The following CNTN5 variants were observed in gnomAD, a reference collection of about 807,000 sequenced individuals.
CNTN5 encodes the protein contactin 5.
A neutral mutation model predicts 129.1 loss-of-function variants in CNTN5; 77 were observed. That is an observed-to-expected ratio of 0.60 (90% CI 0.50 to 0.72). The LOEUF is 0.72. Ranked by LOEUF, CNTN5 falls within the 30% of genes least tolerant of loss-of-function variation. The probability of loss-of-function intolerance (pLI) is 0.00; values close to 1 mark genes in which losing one functional copy is unlikely to be tolerated. For missense variants in CNTN5, 1,478 were observed against 1,328.8 expected (o/e 1.11, Z -1.75); for synonymous variants, 509 against 465.6 (o/e 1.09, Z -1.20).
intron 9 of CNTN5, among the ~76,000 whole-genome samples, chr11:100,002,678 T>C (rs7947224): frequency 0.38 from 57,385 of 151,960 alleles, 12,327 homozygotes; most frequent in African/African-American, 0.59. Context: ...TTATGTCACA[T>C]GCTAATGCCT....
chr11:100,273,931 AGAAGAAAG>A, intron 18 of CNTN5, among the ~76,000 whole-genome samples: 1 of 152,360 alleles, frequency 6.6e-6, no homozygotes, highest in African/African-American at 2.4e-5. Flanking sequence ...CTAAGCAAAA[AGAAGAAAG>A]CTGGAGGCAA....
At chr11:99,599,944 T>A (rs1399172606) in intron 3 of CNTN5, among the ~76,000 whole-genome samples, 1 of 152,134 alleles carries the variant, frequency 6.6e-6, no homozygotes, top group Admixed American at 6.6e-5. Flanking sequence ...AATGGGGTCA[T>A]CTACTTTAAA....
intron 9 of CNTN5, among the ~76,000 whole-genome samples, chr11:100,047,337 A>AT (rs1942735383): frequency 6.6e-6 from 1 of 152,176 alleles, no homozygotes; most frequent in Non-Finnish European, 1.5e-5. Context: ...AATAAAGACT[A>AT]TTTTTAACTC....
intron 2 of CNTN5, among the ~76,000 whole-genome samples, chr11:99,473,037 A>C (rs1010276107): frequency 1.3e-5 from 2 of 152,188 alleles, no homozygotes; most frequent in Non-Finnish European, 2.9e-5. Context: ...TGCTGCCAGA[A>C]GAAGTGATTC....
intron 2 of CNTN5, among the ~76,000 whole-genome samples, chr11:99,430,365 A>G (rs1160403944): frequency 6.6e-6 from 1 of 150,610 alleles, no homozygotes; most frequent in African/African-American, 2.4e-5. Context: ...ATATATATAT[A>G]TATGTGTGCA....
At chr11:99,971,283 G>A (rs989473235) in intron 8 of CNTN5, among the ~76,000 whole-genome samples, 2 of 152,094 alleles carry the variant, frequency 1.3e-5, no homozygotes, top group African/African-American at 2.4e-5. Flanking sequence ...GGTGGTTCAC[G>A]CCTGTAATCC....
intron 4 of CNTN5, among the ~76,000 whole-genome samples, chr11:99,841,837 C>T (rs1041794382): frequency 1.5e-3 from 181 of 117,170 alleles, no homozygotes; most frequent in African/African-American, 4.8e-3. Context: ...TATATATATA[C>T]ACACACACAC....
intron 2 of CNTN5, among the ~76,000 whole-genome samples, chr11:99,520,012 C>A (rs1368677160): frequency 6.6e-6 from 1 of 152,032 alleles, no homozygotes; most frequent in Non-Finnish European, 1.5e-5. Context: ...TTTGTGGCAA[C>A]CTTTTGTGCT....
intron 3 of CNTN5, among the ~76,000 whole-genome samples, chr11:99,682,448 G>A (rs1565422517): frequency 1.3e-5 from 2 of 151,754 alleles, no homozygotes; most frequent in Non-Finnish European, 2.9e-5. Flanking sequence ...TAGGGAAATG[G>A]GGACTATATA....
At chr11:99,035,740 T>A (rs1863687582) in intron 1 of CNTN5, among the ~76,000 whole-genome samples, 2 of 150,982 alleles carry the variant, frequency 1.3e-5, no homozygotes, top group African/African-American at 4.9e-5. Context: ...CCAGTCTGTG[T>A]CTTTTAATTG....
intron 2 of CNTN5, among the ~76,000 whole-genome samples, chr11:99,488,361 CG>C (rs34736682): frequency 0.25 from 37,271 of 151,568 alleles, 4,910 homozygotes; most frequent in Non-Finnish European, 0.3. Flanking sequence ...TTAGTAGAGA[CG>C]GGGTTTCACC....
At chr11:99,843,134 T>G (rs567723761) in intron 4 of CNTN5, among the ~76,000 whole-genome samples, 1 of 152,248 alleles carries the variant, frequency 6.6e-6, no homozygotes, top group Non-Finnish European at 1.5e-5. Context: ...TGTGGCAGGA[T>G]AATTGCTTGA....
At chr11:99,258,791 CTATT>C (rs1352649513) in intron 1 of CNTN5, among the ~76,000 whole-genome samples, 1 of 151,770 alleles carries the variant, frequency 6.6e-6, no homozygotes, top group Non-Finnish European at 1.5e-5. Flanking sequence ...ATTTCACTGT[CTATT>C]TAGTCAGTAG....
At chr11:99,580,042 G>GA (rs1949517046) in intron 3 of CNTN5, among the ~76,000 whole-genome samples, 2 of 150,252 alleles carry the variant, frequency 1.3e-5, no homozygotes, top group Non-Finnish European at 3.0e-5. Flanking sequence ...TAGCATGAAG[G>GA]TTGTTGAATT....
intron 1 of CNTN5, among the ~76,000 whole-genome samples, chr11:99,256,914 T>C (rs138293805): frequency 1.1e-4 from 17 of 152,266 alleles, no homozygotes; most frequent in African/African-American, 3.8e-4. Context: ...AGTAAATGTT[T>C]GCACATATTC....
chr11:99,824,827 A>T (rs989950354), intron 4 of CNTN5, among the ~76,000 whole-genome samples: 11 of 151,990 alleles, frequency 7.2e-5, no homozygotes, highest in Non-Finnish European at 1.5e-5. Flanking sequence ...ATCTCCACTG[A>T]TTTGTGAAAC....
intron 7 of CNTN5, among the ~76,000 whole-genome samples, chr11:99,949,454 G>T (rs1277697019): frequency 6.6e-6 from 1 of 152,080 alleles, no homozygotes; most frequent in Non-Finnish European, 1.5e-5. Context: ...GACTGTTGTT[G>T]GTTAAGGCAG....
chr11:99,220,256 A>C (rs1017362891), intron 1 of CNTN5, among the ~76,000 whole-genome samples: 5 of 152,070 alleles, frequency 3.3e-5, no homozygotes, highest in African/African-American at 1.2e-4. Flanking sequence ...GAAATAAAAC[A>C]TGATTTTTAT....
rs56363127 is a variant in CNTN5 at position 99,541,956 on chromosome 11, C to CAAAAA, written c.-70-14170_-70-14166dup. The stretch of plus-strand genomic sequence containing the variant: ...TTGGTGACAGAGGGAGATCTTGTCT[C>CAAAAA]AAAAAAAAAAAAAAAAAAAAAAAGA... On this transcript the variant is annotated intron_variant, in intron 2 of 24. Transcript: ENST00000524871. Among the ~76,000 whole-genome samples, 258 of 68,002 alleles carry CAAAAA rather than the reference C, an allele frequency of 3.8e-3. 1 individual carries two copies. The highest frequency in any genetic ancestry group is 4.9e-3 in the Non-Finnish European group (173 of 35,528). The allele number at this position is 68,002 out of a possible 152,430, so 44.6% of individuals were successfully genotyped here. A position where few individuals can be genotyped will look rare whatever the true frequency, so the allele number is the denominator to read the frequency against.
Sources: allele counts gnomAD v4.1 joint callset (sites outside exome capture counted in the v4.1 genomes callset), GRCh38; gene constraint gnomAD v4.1.1; transcripts MANE v1.5; gene names NCBI Gene and HGNC (gene_info 2026-07-23, HGNC 2026-07-21).